MAVS: variants seen among roughly 807,000 people sequenced by gnomAD.
MAVS encodes mitochondrial antiviral signaling protein.
In MAVS, 20 loss-of-function variants were observed where a neutral mutation model predicts 30.2. The observed-to-expected ratio is 0.66, with a 90% confidence interval of 0.47 to 0.96. The LOEUF is 0.96. Among genes scored for constraint, MAVS ranks in the 40% least tolerant of loss-of-function variants. MAVS has a pLI of 0.00. For missense variants in MAVS, 624 were observed against 701.1 expected (o/e 0.89, Z 1.24); for synonymous variants, 278 against 293.9 (o/e 0.95, Z 0.55).
chr20:3,866,454 C>T lies in MAVS; in HGVS notation c.*307C>T. ...TCCATGTCCTCCAGAGGAGCTTCCT[C>T]CTCCAGGCCTCAGCCCTGTTGGCCC... On this transcript the variant is annotated 3_prime_UTR_variant, in exon 7 of 7. Coordinates refer to ENST00000428216, the MANE Select transcript of MAVS (RefSeq NM_020746.5). The T allele has an allele frequency of 2.3e-6, 1 of 436,120 alleles. No homozygotes were observed. The highest frequency in any genetic ancestry group is 4.1e-6 in the Non-Finnish European group (1 of 241,410). 27.0% of individuals were successfully genotyped at this position (436,120 alleles called of 1,614,324 possible).
rs527419999 is a variant in MAVS, at chr20:3,873,519, G to A, written c.*7372G>A. On this transcript the variant is annotated 3_prime_UTR_variant, in exon 7 of 7. Transcript: ENST00000428216. ...ACTGCACTCCAGCCTGGGTGACAGA[G>A]CGAGACTCCATCTCAAAAAAATAAT... is the stretch of plus-strand genomic sequence containing the variant. The A allele has an allele frequency of 6.6e-6, 1 of 152,642 alleles. No homozygotes were observed. The highest frequency in any genetic ancestry group is 2.1e-4 in the South Asian group (1 of 4,834). The allele number at this position is 152,642 out of a possible 1,614,324, so 9.5% of individuals were successfully genotyped here.
At chr20:3,861,195 A>C in intron 3 of MAVS, 137 bp from the exon 4 acceptor site, 1 of 730,892 alleles carries the variant, frequency 1.4e-6, no homozygotes, top group Non-Finnish European at 2.3e-6. Flanking sequence ...ATGGGGTTTC[A>C]CTGTGTTAGC....
intron 5 of MAVS, among the ~76,000 whole-genome samples, chr20:3,863,718 G>A (rs73082600): frequency 0.12 from 18,022 of 152,034 alleles, 1,350 homozygotes; most frequent in Non-Finnish European, 0.17. Flanking sequence ...CCCCACCCAG[G>A]TCAGGCAGCC....
Position 3,858,835 on chromosome 20 carries a change from C to T in MAVS, c.292+1026C>T, listed in dbSNP as rs369314874. On this transcript the variant is annotated intron_variant, in intron 3 of 6. Coordinates refer to ENST00000428216, the MANE Select transcript of MAVS (RefSeq NM_020746.5). ...TCCTTTTAGAGACAGAGTCTTGCTG[C>T]GCCACCCAGGCTGCAGTGCAGTGGT... Among the ~76,000 whole-genome samples the T allele has an allele frequency of 3.4e-3, 510 of 150,416 alleles. 5 individuals are homozygous for T. The highest frequency in any genetic ancestry group is 0.012 in the African/African-American group (488 of 40,896).
rs2089913892 is a variant in MAVS at position 3,866,986 on chromosome 20, CAGTG to C, written c.*843_*846del. ...TTCTGGTCTTGCTTCTCCACGTGGACAGTGAGTATCTGGCTCATTCTTCACTGGG... is the reference window on the plus strand; with the variant it reads ...TTCTGGTCTTGCTTCTCCACGTGGACAGTATCTGGCTCATTCTTCACTGGG... On this transcript the variant is annotated 3_prime_UTR_variant, in exon 7 of 7. Transcript: ENST00000428216. 1 of 456,704 alleles carries C rather than the reference CAGTG, an allele frequency of 2.2e-6. No individual in the cohort carries two copies. Among genetic ancestry groups the C allele is most frequent in the African/African-American group, 2.0e-5 (1 of 50,096 alleles). The allele number at this position is 456,704 out of a possible 1,614,324, so 28.3% of individuals were successfully genotyped here.
Position 3,866,620 on chromosome 20 carries a change from T to C in MAVS, c.*473T>C. 1 of 354,216 alleles carries C rather than the reference T, an allele frequency of 2.8e-6. No individual in the cohort carries two copies. Among genetic ancestry groups the C allele is most frequent in the Non-Finnish European group, 5.6e-6 (1 of 179,956 alleles). 21.9% of individuals were successfully genotyped at this position (354,216 alleles called of 1,614,324 possible). A position where few individuals can be genotyped will look rare whatever the true frequency, so the allele number is the denominator to read the frequency against. The stretch of plus-strand genomic sequence containing the variant: ...TGCCTCCCATCCTGGCAGCCCAGCC[T>C]GAGACCGTTGCATTGAGGCAGGCAG... On this transcript the variant is annotated 3_prime_UTR_variant, in exon 7 of 7. Transcript: ENST00000428216.
At chr20:3,858,503 C>T (rs548292434) in intron 3 of MAVS, among the ~76,000 whole-genome samples, 1 of 151,910 alleles carries the variant, frequency 6.6e-6, no homozygotes, top group Non-Finnish European at 1.5e-5. Flanking sequence ...AACAGTGAAA[C>T]CCCGTCTCTA....
At chr20:3,854,806 C>T (rs2089795464) in intron 2 of MAVS, 65 bp downstream of exon 2, 2 of 1,183,318 alleles carry the variant, frequency 1.7e-6, no homozygotes, top group Non-Finnish European at 1.2e-6. Context: ...CAAAGCTCAG[C>T]CCCATCCTAG....
rs1221346817 is a variant in MAVS, at chr20:3,857,620, C to T, written c.118-15C>T. Reference sequence around the variant, plus strand: ...CCACCTGGCTTGAGCAGGACAGTGGCATTGTGTCTTCCAGGATCGACTGCG... The same window carrying T: ...CCACCTGGCTTGAGCAGGACAGTGGTATTGTGTCTTCCAGGATCGACTGCG... On this transcript the variant is annotated splice_polypyrimidine_tract_variant and intron_variant, in intron 2 of 6. Transcript: ENST00000428216. 5.0e-6 allele frequency: 8 copies of T among 1,600,892 alleles called. No individual in the cohort carries two copies. Among genetic ancestry groups the T allele is most frequent in the Non-Finnish European group, 6.8e-6 (8 of 1,172,502 alleles).
At chr20:3,849,310 A>G (rs1346722824) in intron 1 of MAVS, among the ~76,000 whole-genome samples, 2 of 151,690 alleles carry the variant, frequency 1.3e-5, no homozygotes, top group Non-Finnish European at 2.9e-5. Context: ...CCTGGGTTCA[A>G]GCGATTCTCC....
In MAVS at chr20:3,873,426, C is replaced by G. The variant is rs562504767; in HGVS notation, c.*7279C>G. Reference sequence around the variant, plus strand: ...GCGTACATCTGTAATTTCAGCCACTCGGGAGGCTGAGACAGGAGAATAGCT... The same window carrying G: ...GCGTACATCTGTAATTTCAGCCACTGGGGAGGCTGAGACAGGAGAATAGCT... On this transcript the variant is annotated 3_prime_UTR_variant, in exon 7 of 7. Coordinates refer to ENST00000428216, the MANE Select transcript of MAVS (RefSeq NM_020746.5). 1 of 152,050 alleles carries G rather than the reference C, an allele frequency of 6.6e-6. No homozygotes were observed. The highest frequency in any genetic ancestry group is 6.6e-5 in the Admixed American group (1 of 15,250). 9.4% of individuals were successfully genotyped at this position (152,050 alleles called of 1,614,324 possible). A position where few individuals can be genotyped will look rare whatever the true frequency, so the allele number is the denominator to read the frequency against.
chr20:3,854,845 T>C, intron 2 of MAVS, 104 bp downstream of exon 2: 1 of 686,674 alleles, frequency 1.5e-6, no homozygotes, highest in Non-Finnish European at 2.5e-6. Context: ...GCTGGCTCCT[T>C]CCTTCTTCCT....
At chr20:3,850,294 A>AAAAAAG (rs1568531285) in intron 1 of MAVS, among the ~76,000 whole-genome samples, 3 of 140,638 alleles carry the variant, frequency 2.1e-5, no homozygotes, top group Non-Finnish European at 4.6e-5. Context: ...AAAAAAAAAA[A>AAAAAAG]AAAAAGAAAT....
At position 3,861,185 on chromosome 20, in the gene MAVS, A is replaced by G. The variant is rs140348238; in HGVS notation, c.293-147A>G. The G allele has an allele frequency of 3.1e-4, 209 of 666,508 alleles. No homozygotes were observed. In the East Asian group the frequency reaches 5.5e-3, roughly 17 times the overall value. The allele number at this position is 666,508 out of a possible 1,614,324, so 41.3% of individuals were successfully genotyped here. A position where few individuals can be genotyped will look rare whatever the true frequency, so the allele number is the denominator to read the frequency against. On this transcript the variant is annotated intron_variant, in intron 3 of 6. Transcript: ENST00000428216. ...TAATAATGTTGTATTTTTAGTAGAG[A>G]TGGGGTTTCACTGTGTTAGCCAGGG...
At chr20:3,858,292 C>T (rs866211775) in intron 3 of MAVS, among the ~76,000 whole-genome samples, 15 of 152,084 alleles carry the variant, frequency 9.9e-5, no homozygotes, top group African/African-American at 2.9e-4. Flanking sequence ...CTATCAGCTG[C>T]CCAGTTATTC....
At chr20:3,850,268 C>G (rs2089746837) in intron 1 of MAVS, among the ~76,000 whole-genome samples, 1 of 83,408 alleles carries the variant, frequency 1.2e-5, no homozygotes, top group Non-Finnish European at 2.0e-5. Context: ...AGGAGCGAGA[C>G]TGTCTCAAAA....
At chr20:3,857,120 TTTG>T (rs2089818730) in intron 2 of MAVS, among the ~76,000 whole-genome samples, 1 of 152,042 alleles carries the variant, frequency 6.6e-6, no homozygotes. Flanking sequence ...AGCTTCCTTG[TTTG>T]TTATTGTCGG....
At chr20:3,848,219 C>G (rs1339568109) in intron 1 of MAVS, among the ~76,000 whole-genome samples, 1 of 152,094 alleles carries the variant, frequency 6.6e-6, no homozygotes, top group Non-Finnish European at 1.5e-5. Context: ...CTGCCTCAGC[C>G]TCCTGAGTAG....
chr20:3,856,999 G>T (rs1419458306), intron 2 of MAVS, among the ~76,000 whole-genome samples: 1 of 146,906 alleles, frequency 6.8e-6, no homozygotes, highest in Non-Finnish European at 1.5e-5. Flanking sequence ...TCACGGCACT[G>T]CACTCCAGCC....
Sources: allele counts gnomAD v4.1 joint callset (sites outside exome capture counted in the v4.1 genomes callset), GRCh38; gene constraint gnomAD v4.1.1; transcripts MANE v1.5; gene names NCBI Gene and HGNC (gene_info 2026-07-23, HGNC 2026-07-21).